Variants in HS3ST5 observed in about 807,000 individuals in gnomAD.
HS3ST5 encodes the protein heparan sulfate-glucosamine 3-sulfotransferase 5.
HS3ST5 carries 10 observed loss-of-function variants against 25.4 expected under a neutral mutation model. The observed-to-expected ratio is 0.39, with a 90% CI of 0.24 to 0.67. HS3ST5 has a LOEUF of 0.67. Ranked by LOEUF, HS3ST5 falls within the 30% of genes least tolerant of loss-of-function variation. The pLI, the probability that HS3ST5 is intolerant of heterozygous loss-of-function variation, is 0.44. For missense variants in HS3ST5, 324 were observed against 420.7 expected (o/e 0.77, Z 2.01); for synonymous variants, 170 against 162.4 (o/e 1.05, Z -0.36).
At chr6:114,282,296 A>G (rs908774007) in intron 1 of HS3ST5, among the ~76,000 whole-genome samples, 14 of 151,994 alleles carry the variant, frequency 9.2e-5, no homozygotes, top group African/African-American at 3.1e-4. Context: ...TGAACTCACT[A>G]TTCCTTTTTC....
chr6:114,076,283 C>G (rs1199618099), intron 3 of HS3ST5, among the ~76,000 whole-genome samples: 1 of 152,102 alleles, frequency 6.6e-6, no homozygotes, highest in Non-Finnish European at 1.5e-5. Flanking sequence ...GAAACAAAGG[C>G]CTGAGAAGGG....
At chr6:114,330,409 T>A (rs188076356) in intron 1 of HS3ST5, among the ~76,000 whole-genome samples, 1 of 152,288 alleles carries the variant, frequency 6.6e-6, no homozygotes, top group East Asian at 1.9e-4. Flanking sequence ...GTAGGAGCAA[T>A]GATTCTGAGC....
chr6:114,136,611 C>G (rs1777628325), intron 3 of HS3ST5, among the ~76,000 whole-genome samples: 3 of 152,178 alleles, frequency 2.0e-5, no homozygotes, highest in Admixed American at 1.3e-4. Context: ...ATCCTTCAGT[C>G]TCCCCCGAAG....
intron 2 of HS3ST5, among the ~76,000 whole-genome samples, chr6:114,202,336 C>T (rs2114376967): frequency 6.6e-6 from 1 of 152,212 alleles, no homozygotes; most frequent in African/African-American, 2.4e-5. Context: ...TGCCTTCCTC[C>T]CATTGTACTG....
Position 114,056,412 on chromosome 6 carries a change from A to G in HS3ST5, c.*845T>C, listed in dbSNP as rs531799670. 2 of 151,624 alleles carry G rather than the reference A, an allele frequency of 1.3e-5. No homozygotes were observed. Among genetic ancestry groups the G allele is most frequent in the Admixed American group, 1.3e-4 (2 of 15,068 alleles). 9.4% of individuals were successfully genotyped at this position (151,624 alleles called of 1,614,324 possible). ...GTAAACAGCTTCCATTTTGGAAGCCAGCAGGGGGCACGTAAAACAAAATGA... is the reference window on the plus strand; with the variant it reads ...GTAAACAGCTTCCATTTTGGAAGCCGGCAGGGGGCACGTAAAACAAAATGA... On this transcript the variant is annotated 3_prime_UTR_variant, in exon 5 of 5. Transcript: ENST00000312719.
At chr6:114,162,465 A>G (rs1180076906) in intron 3 of HS3ST5, among the ~76,000 whole-genome samples, 1 of 152,096 alleles carries the variant, frequency 6.6e-6, no homozygotes, top group Non-Finnish European at 1.5e-5. Context: ...TTATTGCAGT[A>G]GTTTCTTTGC....
At chr6:114,227,172 A>G (rs1307326166) in intron 2 of HS3ST5, among the ~76,000 whole-genome samples, 3 of 149,754 alleles carry the variant, frequency 2.0e-5, no homozygotes, top group African/African-American at 7.3e-5. Flanking sequence ...TTTTATGCAA[A>G]TGACTATATT....
chr6:114,132,677 T>C (rs555004209), intron 3 of HS3ST5, among the ~76,000 whole-genome samples: 2 of 152,318 alleles, frequency 1.3e-5, no homozygotes, highest in East Asian at 3.9e-4. Flanking sequence ...GGCAGGCTTA[T>C]AAATAGTTAC....
intron 2 of HS3ST5, among the ~76,000 whole-genome samples, chr6:114,171,533 TTGA>T (rs1381600955): frequency 6.6e-6 from 1 of 152,170 alleles, no homozygotes; most frequent in Non-Finnish European, 1.5e-5. Flanking sequence ...CATTTGTCTA[TTGA>T]TGATGATTGC....
chr6:114,308,810 C>A (rs1775412331), intron 1 of HS3ST5, among the ~76,000 whole-genome samples: 1 of 152,108 alleles, frequency 6.6e-6, no homozygotes, highest in South Asian at 2.1e-4. Context: ...CTCTTGACAG[C>A]TCCCTGCATG....
chr6:114,120,953 G>A (rs1481487286), intron 3 of HS3ST5, among the ~76,000 whole-genome samples: 2 of 152,168 alleles, frequency 1.3e-5, no homozygotes, highest in African/African-American at 4.8e-5. Flanking sequence ...TGGCATCTGA[G>A]AATATAACTC....
intron 1 of HS3ST5, among the ~76,000 whole-genome samples, chr6:114,266,999 AT>A (rs1401152773): frequency 6.6e-6 from 1 of 152,124 alleles, no homozygotes; most frequent in Non-Finnish European, 1.5e-5. Flanking sequence ...GCATCTTATT[AT>A]TGTCTTGCCT....
chr6:114,058,028 G>T lies in HS3ST5; in HGVS notation c.270C>A (p.Leu90=), dbSNP rs200605320. Reference sequence around the variant, plus strand: ...TCACCCCAATGATAATGGCCTTGGGGAGCTGCTGGACCAGGTCATGGAGGC... The same window carrying T: ...TCACCCCAATGATAATGGCCTTGGGTAGCTGCTGGACCAGGTCATGGAGGC... ...QVRLHDLVQQ[L]PKAIIIGVRK... Residue 90 remains leucine (L), a synonymous_variant, in exon 5 of 5, where the codon CTC becomes CTA. Transcript: ENST00000312719. 104 of 1,614,046 alleles carry T rather than the reference G, an allele frequency of 6.4e-5. No individual in the cohort carries two copies. Among genetic ancestry groups the T allele is most frequent in the Non-Finnish European group, 5.9e-5 (70 of 1,180,044 alleles).
At chr6:114,295,399 T>C (rs1256536024) in intron 1 of HS3ST5, among the ~76,000 whole-genome samples, 2 of 152,080 alleles carry the variant, frequency 1.3e-5, no homozygotes, top group Admixed American at 6.6e-5. Context: ...GCACTTGACA[T>C]AGGGTGAGGG....
In HS3ST5 at chr6:114,184,054, C is replaced by CTTTTTTT. The variant is rs34370810; in HGVS notation, c.-144-15599_-144-15593dup. On this transcript the variant is annotated intron_variant, in intron 2 of 4. Coordinates refer to ENST00000312719, the MANE Select transcript of HS3ST5 (RefSeq NM_153612.4). Reference sequence around the variant, plus strand: ...AGAAGATTTCTTTTCTTTTTCCTTTCTTTTTTTTTTTTTTTTTTTTTTTTT... The same window carrying CTTTTTTT: ...AGAAGATTTCTTTTCTTTTTCCTTTCTTTTTTTTTTTTTTTTTTTTTTTTTTTTTTTT... 5.6e-4 allele frequency among the ~76,000 whole-genome samples: 44 copies of CTTTTTTT among 78,738 alleles called. 1 individual carries two copies. The highest frequency in any genetic ancestry group is 6.9e-4 in the Non-Finnish European group (31 of 44,666). The allele number at this position is 78,738 out of a possible 152,430, so 51.7% of individuals were successfully genotyped here. A position where few individuals can be genotyped will look rare whatever the true frequency, so the allele number is the denominator to read the frequency against.
At chr6:114,279,555 T>A (rs751047611) in intron 1 of HS3ST5, among the ~76,000 whole-genome samples, 2 of 152,000 alleles carry the variant, frequency 1.3e-5, no homozygotes, top group Non-Finnish European at 2.9e-5. Flanking sequence ...AAATGCCAAA[T>A]GGGGGTGTTC....
chr6:114,113,223 C>T (rs1342420236), intron 3 of HS3ST5, among the ~76,000 whole-genome samples: 1 of 152,152 alleles, frequency 6.6e-6, no homozygotes, highest in Admixed American at 6.6e-5. Context: ...TTTCTATCTT[C>T]ACTCTCCACT....
chr6:114,207,238 T>C (rs116979839), intron 2 of HS3ST5, among the ~76,000 whole-genome samples: 8 of 152,292 alleles, frequency 5.3e-5, no homozygotes, highest in Admixed American at 6.5e-5. Context: ...AGCTGCCCTT[T>C]TGTAATTCTG....
At chr6:114,090,686 C>G (rs1195328410) in intron 3 of HS3ST5, among the ~76,000 whole-genome samples, 1 of 152,124 alleles carries the variant, frequency 6.6e-6, no homozygotes, top group Non-Finnish European at 1.5e-5. Context: ...CAAAAAAATG[C>G]CAACGAAATA....
Sources: gnomAD v4.1 joint callset for allele counts (sites outside exome capture counted in the v4.1 genomes callset) on GRCh38, gnomAD v4.1.1 for gene constraint, MANE v1.5 for transcripts, NCBI Gene and HGNC (gene_info 2026-07-23, HGNC 2026-07-21) for gene names.